Variants in RAPGEF5 observed in about 807,000 individuals in gnomAD.
RAPGEF5 encodes Rap guanine nucleotide exchange factor 5.
RAPGEF5 carries 65 observed loss-of-function variants against 125.2 expected under a neutral mutation model. The observed-to-expected ratio is 0.52, with a 90% CI of 0.43 to 0.64. The LOEUF (loss-of-function observed/expected upper bound fraction) is 0.64, where lower values mean the gene tolerates loss of function less well. RAPGEF5 is among the 30% of genes least tolerant of loss of function. The pLI, the probability that RAPGEF5 is intolerant of heterozygous loss-of-function variation, is 0.00. For missense variants in RAPGEF5, 958 were observed against 1,048.1 expected, an observed-to-expected ratio of 0.91 and a Z score of 1.19; for synonymous variants, 391 against 385.9, an observed-to-expected ratio of 1.01 and a Z score of -0.16.
At chr7:22,195,167 T>C (rs1027846174) in intron 9 of RAPGEF5, among the ~76,000 whole-genome samples, 1 of 152,032 alleles carries the variant, frequency 6.6e-6, no homozygotes, top group African/African-American at 2.4e-5. Context: ...GGTACAAACA[T>C]GAAAGAGGAT....
In RAPGEF5 at chr7:22,153,397, T is replaced by C. The variant is rs144999111; in HGVS notation, c.1786+1058A>G. 6.7e-3 allele frequency among the ~76,000 whole-genome samples: 1,014 copies of C among 152,322 alleles called. 13 individuals carry two copies. The highest frequency in any genetic ancestry group is 0.022 in the African/African-American group (922 of 41,572). On this transcript the variant is annotated intron_variant, in intron 17 of 25. Transcript: ENST00000665637. ...CTCTGATTAAAAGTCATTTAGGCCA[T>C]ATGTTTCTCAAATTCTTTTTTCTAG... is the stretch of plus-strand genomic sequence containing the variant.
At chr7:22,192,426 C>T (rs955645760) in intron 11 of RAPGEF5, 8 of 152,192 alleles carry the variant, frequency 5.3e-5, no homozygotes, top group Admixed American at 1.3e-4. Flanking sequence ...GACAAAACTC[C>T]AGGGACACAA....
chr7:22,214,255 T>C (rs1206653764), intron 9 of RAPGEF5, among the ~76,000 whole-genome samples: 1 of 151,760 alleles, frequency 6.6e-6, no homozygotes, highest in Non-Finnish European at 1.5e-5. Flanking sequence ...ATTTCATGAG[T>C]GAATTAGAAA....
intron 12 of RAPGEF5, among the ~76,000 whole-genome samples, chr7:22,165,135 G>T (rs935429123): frequency 2.0e-5 from 3 of 152,054 alleles, no homozygotes; most frequent in African/African-American, 7.2e-5. Flanking sequence ...TAGAGTTCAT[G>T]GGTTTTGATT....
intron 21 of RAPGEF5, among the ~76,000 whole-genome samples, chr7:22,138,006 TACACACAC>T (rs57116603): frequency 1.5e-4 from 23 of 148,444 alleles, no homozygotes; most frequent in Non-Finnish European, 3.0e-4. Flanking sequence ...GTTTGGAAAC[TACACACAC>T]ACACACACAC....
At chr7:22,161,375 T>A (rs13229271) in intron 13 of RAPGEF5, among the ~76,000 whole-genome samples, 55 of 151,930 alleles carry the variant, frequency 3.6e-4, no homozygotes, top group Non-Finnish European at 7.1e-4. Context: ...CTATCTCTAC[T>A]AAAAAGAAAA....
intron 7 of RAPGEF5, among the ~76,000 whole-genome samples, chr7:22,237,056 C>T (rs1786210071): frequency 6.7e-6 from 1 of 150,142 alleles, no homozygotes; most frequent in Admixed American, 6.6e-5. Flanking sequence ...TGCCCTTGTC[C>T]CTGCCTTCAC....
rs1292872830 is a variant in RAPGEF5, at chr7:22,335,687, CA to C, written c.232-17651del. ...TCCTTCCCTGAACCAAAACAAGAAACAAGCAAAAAAAAAAAAACAACAAAAC... is the reference window on the plus strand; with the variant it reads ...TCCTTCCCTGAACCAAAACAAGAAACAGCAAAAAAAAAAAAACAACAAAAC... On this transcript the variant is annotated intron_variant, in intron 1 of 25. Coordinates refer to ENST00000665637, the MANE Select transcript of RAPGEF5 (RefSeq NM_012294.5). 8.0e-5 allele frequency among the ~76,000 whole-genome samples: 8 copies of C among 99,852 alleles called. No individual in the cohort carries two copies. In the East Asian group the frequency reaches 1.6e-3, roughly 20 times the overall value. The allele number at this position is 99,852 out of a possible 152,430, so 65.5% of individuals were successfully genotyped here. A position where few individuals can be genotyped will look rare whatever the true frequency, so the allele number is the denominator to read the frequency against.
intron 11 of RAPGEF5, among the ~76,000 whole-genome samples, chr7:22,168,266 C>G (rs758993425): frequency 4.6e-5 from 7 of 152,122 alleles, no homozygotes; most frequent in Non-Finnish European, 1.0e-4. Flanking sequence ...GCATTGCTAT[C>G]TTTATAAGAG....
At chr7:22,232,916 A>G (rs138131876) in intron 7 of RAPGEF5, among the ~76,000 whole-genome samples, 2 of 152,358 alleles carry the variant, frequency 1.3e-5, no homozygotes, top group African/African-American at 4.8e-5. Flanking sequence ...GATAACTAGG[A>G]TAACTCTGAC....
At chr7:22,251,327 A>AT (rs1414779045) in intron 7 of RAPGEF5, among the ~76,000 whole-genome samples, 35 of 152,232 alleles carry the variant, frequency 2.3e-4, no homozygotes, top group African/African-American at 8.4e-4. Context: ...TATTTACCCA[A>AT]ATACACAGAA....
chr7:22,331,596 T>C (rs1783918776), intron 1 of RAPGEF5, among the ~76,000 whole-genome samples: 1 of 151,662 alleles, frequency 6.6e-6, no homozygotes, highest in Admixed American at 6.6e-5. Flanking sequence ...ATACAAAAAA[T>C]CAGCCAGGCG....
chr7:22,164,116 T>C (rs1784088934), intron 12 of RAPGEF5, among the ~76,000 whole-genome samples: 1 of 152,166 alleles, frequency 6.6e-6, no homozygotes, highest in South Asian at 2.1e-4. Flanking sequence ...GGAGGATTGC[T>C]TGAGCCCAGG....
intron 1 of RAPGEF5, among the ~76,000 whole-genome samples, chr7:22,326,935 G>A (rs1340277938): frequency 1.3e-5 from 2 of 152,094 alleles, no homozygotes; most frequent in Non-Finnish European, 1.5e-5. Context: ...GGATAGGTTC[G>A]TGGCAAAGTT....
intron 11 of RAPGEF5, among the ~76,000 whole-genome samples, chr7:22,168,676 T>C (rs1014236326): frequency 5.3e-5 from 8 of 152,240 alleles, no homozygotes; most frequent in Admixed American, 3.3e-4. Flanking sequence ...GTAATATTTA[T>C]GAACACAAAA....
At chr7:22,193,268 AC>A in intron 11 of RAPGEF5, 98 bp downstream of exon 11, 2 of 1,317,884 alleles carry the variant, frequency 1.5e-6, no homozygotes, top group Non-Finnish European at 1.0e-6. Flanking sequence ...ATTTCTCCCC[AC>A]CCCGGTTTCA....
chr7:22,161,101 C>T (rs760790956), intron 13 of RAPGEF5, among the ~76,000 whole-genome samples: 4 of 151,592 alleles, frequency 2.6e-5, no homozygotes, highest in Non-Finnish European at 5.9e-5. Context: ...CCCAGCTACT[C>T]GGGAGGCTGA....
At chr7:22,228,889 C>A (rs953118866) in intron 8 of RAPGEF5, among the ~76,000 whole-genome samples, 8 of 152,154 alleles carry the variant, frequency 5.3e-5, no homozygotes, top group Admixed American at 3.3e-4. Flanking sequence ...CTAGTCTTTA[C>A]ATTATGCTGC....
chr7:22,335,926 C>A (rs947280150), intron 1 of RAPGEF5, among the ~76,000 whole-genome samples: 3 of 152,106 alleles, frequency 2.0e-5, no homozygotes, highest in African/African-American at 7.2e-5. Context: ...GAAAAGACAA[C>A]CTTTGGTCAT....
Sources: allele counts gnomAD v4.1 joint callset (sites outside exome capture counted in the v4.1 genomes callset), GRCh38; gene constraint gnomAD v4.1.1; transcripts MANE v1.5; gene names NCBI Gene and HGNC (gene_info 2026-07-23, HGNC 2026-07-21).